PCDH15: variants seen among roughly 807,000 people sequenced by gnomAD.
PCDH15 encodes the protein protocadherin related 15.
In PCDH15, 129 loss-of-function variants were observed where a neutral mutation model predicts 178.5. The ratio of observed to expected loss-of-function variants is 0.72; its 90% CI spans 0.63 to 0.84. PCDH15 has a LOEUF of 0.84. PCDH15 is among the 40% of genes least tolerant of loss of function. The pLI, the probability that PCDH15 is intolerant of heterozygous loss-of-function variation, is 0.00. For synonymous variants in PCDH15, 800 were observed against 732.0 expected (o/e 1.09, Z -1.50); for missense variants, 2,230 against 2,099.9 (o/e 1.06, Z -1.21).
intron 1 of PCDH15, among the ~76,000 whole-genome samples, chr10:55,311,504 T>C (rs1245769582): frequency 1.3e-5 from 2 of 152,250 alleles, no homozygotes; most frequent in Non-Finnish European, 2.9e-5. Flanking sequence ...CATGAAGGTT[T>C]ACCGAAGGTA....
chr10:55,069,609 A>T (rs1263504215), intron 2 of PCDH15, among the ~76,000 whole-genome samples: 1 of 143,936 alleles, frequency 6.9e-6, no homozygotes, highest in Non-Finnish European at 1.5e-5. Flanking sequence ...ACATGAACTC[A>T]TCATTTTTTA....
intron 11 of PCDH15, among the ~76,000 whole-genome samples, chr10:54,187,158 G>A (rs2048544094): frequency 6.6e-6 from 1 of 151,854 alleles, no homozygotes. Context: ...AGCTGAGGAA[G>A]TTTTGCTATG....
intron 10 of PCDH15, among the ~76,000 whole-genome samples, chr10:54,204,582 A>G (rs1035128995): frequency 7.0e-6 from 1 of 143,118 alleles, no homozygotes; most frequent in Non-Finnish European, 1.5e-5. Flanking sequence ...GCAGCATGTC[A>G]GCATTTCAAT....
chr10:55,514,813 G>A (rs944718472), intron 2 of PCDH15, among the ~76,000 whole-genome samples: 1 of 151,958 alleles, frequency 6.6e-6, no homozygotes, highest in South Asian at 2.1e-4. Context: ...AAGTTTTATG[G>A]CTGGCTATGG....
chr10:55,308,519 C>T (rs1411721028), intron 1 of PCDH15, among the ~76,000 whole-genome samples: 2 of 152,172 alleles, frequency 1.3e-5, no homozygotes, highest in East Asian at 3.9e-4. Context: ...CCTATAAGCA[C>T]ATTCTATCTG....
At chr10:55,085,922 G>T (rs1842157860) in intron 2 of PCDH15, among the ~76,000 whole-genome samples, 2 of 151,550 alleles carry the variant, frequency 1.3e-5, no homozygotes, top group Non-Finnish European at 3.0e-5. Flanking sequence ...TGACTATTTA[G>T]TTATATGTAT....
At chr10:54,559,246 A>G (rs1288226237) in intron 2 of PCDH15, among the ~76,000 whole-genome samples, 1 of 152,034 alleles carries the variant, frequency 6.6e-6, no homozygotes, top group Non-Finnish European at 1.5e-5. Context: ...TAAGTGCTCA[A>G]TAATAATCCT....
chr10:54,544,461 CCTG>C (rs146751997), intron 2 of PCDH15, among the ~76,000 whole-genome samples: 26,397 of 152,014 alleles, frequency 0.17, 2,450 homozygotes, highest in African/African-American at 0.22. Flanking sequence ...AGTTTTATGT[CCTG>C]CTGAGCTTAG....
chr10:54,092,130 C>T (rs1413751210), intron 15 of PCDH15, among the ~76,000 whole-genome samples: 3 of 152,122 alleles, frequency 2.0e-5, no homozygotes, highest in Non-Finnish European at 4.4e-5. Flanking sequence ...CAGTAAGTAC[C>T]TGCAACTCCA....
At chr10:55,088,171 G>A (rs769315432) in intron 2 of PCDH15, among the ~76,000 whole-genome samples, 60 of 151,754 alleles carry the variant, frequency 4.0e-4, no homozygotes, top group Non-Finnish European at 7.7e-4. Flanking sequence ...AAATGTAAAG[G>A]TCCTTACATA....
intron 3 of PCDH15, among the ~76,000 whole-genome samples, chr10:54,418,675 A>C (rs1690236561): frequency 6.6e-6 from 1 of 151,910 alleles, no homozygotes. Flanking sequence ...TTAATAGCTA[A>C]TACATATATT....
chr10:54,418,668 A>G (rs1318526522), intron 3 of PCDH15, among the ~76,000 whole-genome samples: 1 of 151,862 alleles, frequency 6.6e-6, no homozygotes, highest in Non-Finnish European at 1.5e-5. Flanking sequence ...ACTGTACTTA[A>G]TAGCTAATAC....
At chr10:54,282,146 C>T (rs61853312) in intron 8 of PCDH15, among the ~76,000 whole-genome samples, 45 of 152,108 alleles carry the variant, frequency 3.0e-4, no homozygotes, top group South Asian at 1.0e-3. Flanking sequence ...CTATATGTGA[C>T]GACAGCAGTG....
At chr10:55,618,557 C>T (rs965746465) in intron 2 of PCDH15, among the ~76,000 whole-genome samples, 140 of 152,070 alleles carry the variant, frequency 9.2e-4, no homozygotes, top group African/African-American at 3.3e-3. Flanking sequence ...ACTACTCTTC[C>T]CCAAAACACT....
At chr10:55,487,565 CTTAT>C (rs1223929322) in intron 2 of PCDH15, among the ~76,000 whole-genome samples, 1 of 151,618 alleles carries the variant, frequency 6.6e-6, no homozygotes, top group East Asian at 1.9e-4. Context: ...TCACAACTTT[CTTAT>C]TTGTCTCACT....
At chr10:54,237,751 C>T (rs2054783764) in intron 8 of PCDH15, among the ~76,000 whole-genome samples, 1 of 152,146 alleles carries the variant, frequency 6.6e-6, no homozygotes, top group African/African-American at 2.4e-5. Flanking sequence ...TTACTGACTA[C>T]TGTGATCATA....
chr10:54,728,739 C>A (rs941523986), intron 1 of PCDH15, among the ~76,000 whole-genome samples: 1 of 151,468 alleles, frequency 6.6e-6, no homozygotes, highest in Non-Finnish European at 1.5e-5. Flanking sequence ...TTTCAGGATA[C>A]AAAATTAATG....
intron 3 of PCDH15, among the ~76,000 whole-genome samples, chr10:54,432,586 G>T (rs1169235785): frequency 1.3e-5 from 2 of 152,092 alleles, no homozygotes; most frequent in African/African-American, 4.8e-5. Flanking sequence ...CATCAAAGTG[G>T]ATTAAAGACT....
At chr10:55,156,150 G>A (rs569584278) in intron 2 of PCDH15, among the ~76,000 whole-genome samples, 1 of 152,090 alleles carries the variant, frequency 6.6e-6, no homozygotes, top group Non-Finnish European at 1.5e-5. Flanking sequence ...ATGTATGTAT[G>A]GATAATGATC....
Sources: allele counts gnomAD v4.1 joint callset (sites outside exome capture counted in the v4.1 genomes callset), GRCh38; gene constraint gnomAD v4.1.1; transcripts MANE v1.5; gene names NCBI Gene and HGNC (gene_info 2026-07-23, HGNC 2026-07-21).